DBT: variants seen among roughly 807,000 people sequenced by gnomAD.
DBT encodes the protein dihydrolipoamide branched chain transacylase E2, also known as lipoamide acyltransferase component of branched-chain alpha-keto acid dehydrogenase complex, mitochondrial.
In DBT, 40 loss-of-function variants were observed where a neutral mutation model predicts 51.3. That is an observed-to-expected ratio of 0.78 (90% CI 0.61 to 1.02). The LOEUF (loss-of-function observed/expected upper bound fraction) is 1.02, where lower values mean the gene tolerates loss of function less well. Among genes scored for constraint, DBT ranks in the 50% least tolerant of loss-of-function variants. The pLI is 0.00. For missense variants in DBT, 510 were observed against 580.2 expected (o/e 0.88, Z 1.24); for synonymous variants, 181 against 190.4 (o/e 0.95, Z 0.41).
At chr1:100,225,053 ACACACAC>A (rs1663106135) in intron 4 of DBT, among the ~76,000 whole-genome samples, 1 of 69,218 alleles carries the variant, frequency 1.4e-5, no homozygotes. Flanking sequence ...ATATATATAT[ACACACAC>A]ACACACACAC....
intron 4 of DBT, among the ~76,000 whole-genome samples, chr1:100,225,203 T>G (rs1663117752): frequency 6.6e-6 from 1 of 151,638 alleles, no homozygotes; most frequent in Admixed American, 6.6e-5. Flanking sequence ...TCCTTGGTAA[T>G]GCCTCCTTTC....
intron 4 of DBT, among the ~76,000 whole-genome samples, chr1:100,228,678 T>C (rs932738647): frequency 2.0e-5 from 3 of 152,190 alleles, no homozygotes; most frequent in African/African-American, 7.2e-5. Context: ...GAGAGTCGCT[T>C]GAACCTAGGA....
rs927072493 is a variant in DBT, at chr1:100,195,883, T to C, written c.*372A>G. 74 of 256,156 alleles carry C rather than the reference T, an allele frequency of 2.9e-4. 2 individuals are homozygous for C. Among genetic ancestry groups the C allele is most frequent in the Admixed American group, 1.0e-4 (2 of 20,060 alleles). The allele number at this position is 256,156 out of a possible 1,614,324, so 15.9% of individuals were successfully genotyped here. The stretch of plus-strand genomic sequence containing the variant: ...TTTCACCATGTTGGCCAGGCTGGTC[T>C]CAAACTTCTAACCTCAGGTGATCCG... On this transcript the variant is annotated 3_prime_UTR_variant, in exon 11 of 11. Transcript: ENST00000370132.
At chr1:100,204,165 C>T (rs1298733281) in intron 10 of DBT, among the ~76,000 whole-genome samples, 1 of 152,320 alleles carries the variant, frequency 6.6e-6, no homozygotes, top group Non-Finnish European at 1.5e-5. Flanking sequence ...GTCAAATTAT[C>T]TCTGTCTGCA....
At chr1:100,249,091 G>A in intron 1 of DBT, 11 of 988,404 alleles carry the variant, frequency 1.1e-5, no homozygotes, top group African/African-American at 1.7e-5. Flanking sequence ...AGCATCTAGG[G>A]AAAGGGAGAA....
chr1:100,196,276 A>C lies in DBT; in HGVS notation c.1428T>G (p.Phe476Leu). ...LWKSYLENPA[F>L]MLLDLK is the part of the protein sequence containing the mutation. ...GTCTTCATTTCAGATCTAGTAGCAT[A>C]AAAGCTGGGTTTTCTAAATAGGATT... The change falls in exon 11 of 11, where the codon TTT (phenylalanine) becomes TTG (leucine). Residue 476 changes from phenylalanine to leucine, a missense_variant. By Grantham distance (22) the Phe-to-Leu change is conservative. Coordinates refer to ENST00000370132, the MANE Select transcript of DBT (RefSeq NM_001918.5). The C allele has an allele frequency of 6.2e-7, 1 of 1,613,974 alleles. No individual in the cohort carries two copies. Among genetic ancestry groups the C allele is most frequent in the Non-Finnish European group, 8.5e-7 (1 of 1,179,972 alleles).
Position 100,194,209 on chromosome 1 carries a change from C to T in DBT, c.*2046G>A, listed in dbSNP as rs997787959. 9.9e-5 allele frequency: 15 copies of T among 151,944 alleles called. No individual in the cohort carries two copies. The highest frequency in any genetic ancestry group is 3.6e-4 in the African/African-American group (15 of 41,332). The allele number at this position is 151,944 out of a possible 1,614,324, so 9.4% of individuals were successfully genotyped here. On this transcript the variant is annotated 3_prime_UTR_variant, in exon 11 of 11. Coordinates refer to ENST00000370132, the MANE Select transcript of DBT (RefSeq NM_001918.5). Reference sequence around the variant, plus strand: ...TAGAGACCAGGTCTCACTCTGTCACCCATACTGGAGGATAGTGGCACAATG... The same window carrying T: ...TAGAGACCAGGTCTCACTCTGTCACTCATACTGGAGGATAGTGGCACAATG...
intron 10 of DBT, among the ~76,000 whole-genome samples, chr1:100,200,634 G>A (rs1661382180): frequency 6.6e-6 from 1 of 152,240 alleles, no homozygotes; most frequent in Non-Finnish European, 1.5e-5. Context: ...AGCAGGGAAT[G>A]ACAGACACCT....
rs1373317675 is a variant in DBT, at chr1:100,240,861, T to A, written c.75A>T (p.Thr25=). The A allele has an allele frequency of 1.9e-6, 3 of 1,613,246 alleles. No homozygotes were observed. The South Asian group carries it at 3.3e-5, about 18-fold the overall frequency. Residue 25 remains threonine (T), a synonymous_variant, in exon 2 of 11, where the codon ACA becomes ACT. Coordinates refer to ENST00000370132, the MANE Select transcript of DBT (RefSeq NM_001918.5). ...GKLICVRYFQ[T]CGNVHVLKPN... ...GCTTCAAAACATGAACATTACCACA[T>A]GTTTGAAAATAGCGAACACAAATCT...
rs1483505485 is a variant in DBT, at chr1:100,213,555, A to G, written c.939+1262T>C. ...GTCTGCAGGGTCGGGGGGCTGCAGGACTGCTTCACCTTCCTGGGCATCTTC... is the reference window on the plus strand; with the variant it reads ...GTCTGCAGGGTCGGGGGGCTGCAGGGCTGCTTCACCTTCCTGGGCATCTTC... On this transcript the variant is annotated intron_variant, in intron 7 of 10. Transcript: ENST00000370132. 5 of 1,576,046 alleles carry G rather than the reference A, an allele frequency of 3.2e-6. No individual in the cohort carries two copies. The East Asian group carries it at 9.0e-5, about 28-fold the overall frequency.
intron 2 of DBT, among the ~76,000 whole-genome samples, chr1:100,240,534 A>T (rs531196031): frequency 1.3e-5 from 2 of 152,318 alleles, no homozygotes; most frequent in South Asian, 2.1e-4. Flanking sequence ...TCTCTAAAAA[A>T]AAATTTTTTT....
At chr1:100,230,687 A>G (rs755814367) in intron 4 of DBT, 46 bp downstream of exon 4, 59 of 1,283,600 alleles carry the variant, frequency 4.6e-5, no homozygotes, top group Non-Finnish European at 6.1e-5. Context: ...TGACAAAAAG[A>G]GACCAATAAT....
intron 10 of DBT, among the ~76,000 whole-genome samples, chr1:100,198,130 A>G (rs1264443033): frequency 6.6e-6 from 1 of 152,256 alleles, no homozygotes; most frequent in East Asian, 1.9e-4. Context: ...TGATGGATGA[A>G]TGTATAAACA....
chr1:100,210,739 G>A lies in DBT; in HGVS notation c.972C>T (p.Ile324=). 2 of 1,613,558 alleles carry A rather than the reference G, an allele frequency of 1.2e-6. No homozygotes were observed. The highest frequency in any genetic ancestry group is 1.7e-6 in the Non-Finnish European group (2 of 1,179,598). Reference sequence around the variant, plus strand: ...AGTTTTCATCCACAGAAGCGTTAAGGATAGGAAACTGTAGTAATCCCAAGG... The same window carrying A: ...AGTTTTCATCCACAGAAGCGTTAAGAATAGGAAACTGTAGTAATCCCAAGG... ...AASLGLLQFP[I]LNASVDENCQ... is the part of the protein sequence containing the mutation. The change falls in exon 8 of 11, where the codon ATC becomes ATT. Residue 324 remains isoleucine, a synonymous_variant. Transcript: ENST00000370132.
chr1:100,215,051 T>TA (rs397805697), intron 6 of DBT, 68 bp from the exon 7 acceptor site: 24 of 1,129,468 alleles, frequency 2.1e-5, no homozygotes, highest in East Asian at 5.2e-5. Context: ...TTTTTTTTTT[T>TA]AAAGAAACTA....
At chr1:100,217,437 T>C (rs1047495688) in intron 5 of DBT, among the ~76,000 whole-genome samples, 11 of 152,322 alleles carry the variant, frequency 7.2e-5, no homozygotes, top group African/African-American at 2.4e-4. Flanking sequence ...TTATCAAGGA[T>C]ACATAACATA....
At chr1:100,219,442 A>G (rs1455806628) in intron 4 of DBT, among the ~76,000 whole-genome samples, 1 of 152,164 alleles carries the variant, frequency 6.6e-6, no homozygotes, top group African/African-American at 2.4e-5. Context: ...TGTAAGATAA[A>G]TTATATGAAA....
Position 100,213,229 on chromosome 1 carries a change from G to A in DBT, c.939+1588C>T, listed in dbSNP as rs1662258313. The stretch of plus-strand genomic sequence containing the variant: ...CCTGCCCCGCGTCTGCCTCAGAGGG[G>A]CCCGAGCCACCCGGGGCGTGCGCCG... On this transcript the variant is annotated intron_variant, in intron 7 of 10. Coordinates refer to ENST00000370132, the MANE Select transcript of DBT (RefSeq NM_001918.5). The A allele has an allele frequency of 8.1e-6, 8 of 984,126 alleles. No homozygotes were observed. In the South Asian group the frequency reaches 1.7e-4, roughly 21 times the overall value. The allele number at this position is 984,126 out of a possible 1,614,324, so 61.0% of individuals were successfully genotyped here. A position where few individuals can be genotyped will look rare whatever the true frequency, so the allele number is the denominator to read the frequency against.
intron 10 of DBT, among the ~76,000 whole-genome samples, chr1:100,201,058 G>A (rs1302651429): frequency 6.6e-6 from 1 of 152,122 alleles, no homozygotes; most frequent in Non-Finnish European, 1.5e-5. Context: ...CAGAGAATGA[G>A]TTTGATGAAC....
Sources: allele counts gnomAD v4.1 joint callset (sites outside exome capture counted in the v4.1 genomes callset), GRCh38; gene constraint gnomAD v4.1.1; transcripts MANE v1.5; gene names NCBI Gene and HGNC (gene_info 2026-07-23, HGNC 2026-07-21).